The following TRERF1 variants were observed in gnomAD, a reference collection of about 807,000 sequenced individuals.
TRERF1 encodes transcriptional-regulating factor 1.
Under a neutral mutation model 122.9 loss-of-function variants are expected in TRERF1, and 27 were observed. That is an observed-to-expected ratio of 0.22 (90% CI 0.16 to 0.30). The LOEUF (loss-of-function observed/expected upper bound fraction) is 0.30. TRERF1 is among the 10% of genes least tolerant of loss of function. TRERF1 has a pLI of 1.00. For synonymous variants in TRERF1, 636 were observed against 641.7 expected (o/e 0.99, Z 0.13); for missense variants, 1,248 against 1,560.3 (o/e 0.80, Z 3.37).
At chr6:42,447,709 G>GTTT (rs1787778411) in intron 2 of TRERF1, among the ~76,000 whole-genome samples, 1 of 151,912 alleles carries the variant, frequency 6.6e-6, no homozygotes, top group African/African-American at 2.4e-5. Context: ...TGTTGTTGTT[G>GTTT]TTTTTGTTTT....
intron 2 of TRERF1, among the ~76,000 whole-genome samples, chr6:42,396,981 A>G (rs1581990028): frequency 6.6e-6 from 1 of 152,306 alleles, no homozygotes. Flanking sequence ...GACAAGGAAC[A>G]CTGCAGAAAT....
chr6:42,411,511 G>A (rs565485090), intron 2 of TRERF1, among the ~76,000 whole-genome samples: 35 of 152,328 alleles, frequency 2.3e-4, no homozygotes, highest in African/African-American at 8.4e-4. Context: ...GAGACTCAGA[G>A]AAGGAAACGG....
At chr6:42,227,975 C>CACACACACACT in exon 18 of TRERF1, 1 of 172,488 alleles carries the variant, frequency 5.8e-6, no homozygotes, top group Non-Finnish European at 1.2e-5. Flanking sequence ...GGGTCGCCTG[C>CACACACACACT]GTCTCACACA....
chr6:42,236,505 C>T, intron 15 of TRERF1, 94 bp from the exon 16 acceptor site: 1 of 1,477,352 alleles, frequency 6.8e-7, no homozygotes, highest in Non-Finnish European at 9.0e-7. Context: ...GAGAGAGGGG[C>T]AGGATGCTGG....
At chr6:42,313,064 G>T (rs1336684588) in intron 3 of TRERF1, among the ~76,000 whole-genome samples, 1 of 152,168 alleles carries the variant, frequency 6.6e-6, no homozygotes, top group East Asian at 1.9e-4. Context: ...GGAAAAGATG[G>T]TGAGAGAAAG....
At chr6:42,337,651 T>A (rs1657715934) in intron 3 of TRERF1, among the ~76,000 whole-genome samples, 1 of 152,154 alleles carries the variant, frequency 6.6e-6, no homozygotes, top group South Asian at 2.1e-4. Flanking sequence ...CAAGGAGACA[T>A]GGCCTCTGAG....
intron 2 of TRERF1, among the ~76,000 whole-genome samples, chr6:42,401,745 T>C (rs1043677533): frequency 2.0e-5 from 3 of 152,112 alleles, no homozygotes; most frequent in African/African-American, 7.2e-5. Context: ...AGAGGGAACA[T>C]GCTGTGCCTG....
rs775445444 is a variant in TRERF1 at position 42,343,048 on chromosome 6, C to T, written c.-371+19949G>A. Among the ~76,000 whole-genome samples the T allele has an allele frequency of 2.0e-4, 31 of 152,200 alleles. 1 individual carries two copies. In the Middle Eastern group the frequency reaches 0.01, roughly 50 times the overall value. ...GCTCTGCTATAGTATCTGGCTGCCC[C>T]ACCTCACATTGACTCATATCAACAC... is the stretch of plus-strand genomic sequence containing the variant. On this transcript the variant is annotated intron_variant, in intron 3 of 17. Transcript: ENST00000372922.
chr6:42,287,460 G>C (rs975910840), intron 4 of TRERF1, among the ~76,000 whole-genome samples: 5 of 152,084 alleles, frequency 3.3e-5, no homozygotes, highest in African/African-American at 4.8e-5. Context: ...AGAGGCCCAA[G>C]TCCATGATCT....
At chr6:42,314,072 C>T (rs1449989029) in intron 3 of TRERF1, among the ~76,000 whole-genome samples, 1 of 151,818 alleles carries the variant, frequency 6.6e-6, no homozygotes, top group African/African-American at 2.4e-5. Context: ...TTATCAGGCA[C>T]GCCCCTTTCT....
chr6:42,349,728 A>AG (rs1769033530), intron 3 of TRERF1, among the ~76,000 whole-genome samples: 1 of 152,188 alleles, frequency 6.6e-6, no homozygotes, highest in Non-Finnish European at 1.5e-5. Flanking sequence ...GGTAAGCCAA[A>AG]GAATTAGTGT....
intron 3 of TRERF1, among the ~76,000 whole-genome samples, chr6:42,344,730 C>A (rs1056146898): frequency 2.0e-5 from 3 of 152,180 alleles, no homozygotes; most frequent in African/African-American, 7.2e-5. Context: ...CACAGCCCCC[C>A]ACCAGATGCT....
intron 2 of TRERF1, among the ~76,000 whole-genome samples, chr6:42,446,249 C>G (rs1787493601): frequency 6.6e-6 from 1 of 152,232 alleles, no homozygotes; most frequent in Admixed American, 6.5e-5. Context: ...CACTACACTT[C>G]AAATGAAATG....
intron 3 of TRERF1, among the ~76,000 whole-genome samples, chr6:42,312,382 G>A (rs999027207): frequency 6.6e-5 from 10 of 152,206 alleles, no homozygotes; most frequent in Non-Finnish European, 1.0e-4. Flanking sequence ...TCTCAGAAGC[G>A]GGGAGCCCCT....
At position 42,312,503 on chromosome 6, in the gene TRERF1, A is replaced by C. The variant is rs141212699; in HGVS notation, c.-370-11754T>G. On this transcript the variant is annotated intron_variant, in intron 3 of 17. Transcript: ENST00000372922. ...AAAACGCACAACAGGCATGTCAGCC[A>C]ATCTCTCTGATCCTCGGCATTCCCC... Among the ~76,000 whole-genome samples the C allele has an allele frequency of 2.7e-3, 409 of 152,342 alleles. 2 individuals are homozygous for C. Among genetic ancestry groups the C allele is most frequent in the African/African-American group, 9.4e-3 (389 of 41,582 alleles).
At chr6:42,366,159 C>T (rs1772689282) in intron 2 of TRERF1, among the ~76,000 whole-genome samples, 1 of 152,210 alleles carries the variant, frequency 6.6e-6, no homozygotes, top group Admixed American at 6.5e-5. Context: ...GCTTACCAAG[C>T]TCTCCTGGCT....
chr6:42,225,222 T>G (rs1290532436), downstream of TRERF1: 1 of 150,988 alleles, frequency 6.6e-6, no homozygotes, highest in Non-Finnish European at 1.5e-5. Flanking sequence ...TTTTTTTTTT[T>G]TTAAGGAATG....
intron 2 of TRERF1, among the ~76,000 whole-genome samples, chr6:42,436,342 C>G (rs996246321): frequency 7.9e-5 from 12 of 151,750 alleles, no homozygotes; most frequent in Non-Finnish European, 1.8e-4. Context: ...GCACTCCAGC[C>G]TGGGTGACAG....
intron 3 of TRERF1, among the ~76,000 whole-genome samples, chr6:42,323,673 G>A (rs921898776): frequency 3.3e-5 from 5 of 152,030 alleles, no homozygotes; most frequent in Non-Finnish European, 7.4e-5. Context: ...AGCACCCAGT[G>A]AAAAAGTGCA....
Sources: allele counts gnomAD v4.1 joint callset (sites outside exome capture counted in the v4.1 genomes callset), GRCh38; gene constraint gnomAD v4.1.1; transcripts MANE v1.5; gene names NCBI Gene and HGNC (gene_info 2026-07-23, HGNC 2026-07-21).